Variants in PLXND1 observed in about 807,000 individuals in gnomAD.
PLXND1 encodes plexin-D1.
A neutral mutation model predicts 197.7 loss-of-function variants in PLXND1; 54 were observed. The ratio of observed to expected loss-of-function variants is 0.27; its 90% CI spans 0.22 to 0.34. The LOEUF (loss-of-function observed/expected upper bound fraction) is 0.34, where lower values mean the gene tolerates loss of function less well. Ranked by LOEUF, PLXND1 falls within the 10% of genes least tolerant of loss-of-function variation. The pLI is 1.00. For missense variants in PLXND1, 2,127 were observed against 2,699.2 expected, an observed-to-expected ratio of 0.79 and a Z score of 4.70; for synonymous variants, 1,180 against 1,161.2, an observed-to-expected ratio of 1.02 and a Z score of -0.33.
In PLXND1 at chr3:129,558,876, G is replaced by T. The variant is rs1047521704; in HGVS notation, c.5298-301C>A. ...CATTAGAACCAGGTGCCGGCCCCCG[G>T]GCACCCCTGGCTCCTCCCTGAACCC... On this transcript the variant is annotated intron_variant, in intron 32 of 35. Coordinates refer to ENST00000324093, the MANE Select transcript of PLXND1 (RefSeq NM_015103.3). This position sits in a 1 kb window ranked among gnomAD's most constrained non-coding sequence, Gnocchi z 4.1. 5.3e-5 allele frequency among the ~76,000 whole-genome samples: 8 copies of T among 152,134 alleles called. No homozygotes were observed. Among genetic ancestry groups the T allele is most frequent in the African/African-American group, 1.9e-4 (8 of 41,412 alleles).
chr3:129,584,187 G>T lies in PLXND1; in HGVS notation c.2076C>A (p.Ile692=). Residue 692 remains isoleucine (I), a synonymous_variant, in exon 7 of 36, where the codon ATC becomes ATA. Transcript: ENST00000324093. ...CGTAGATGGTGAAATTGGCCTTGAC[G>T]ATGTTCCGCCCATTGACCCTCACAG... ...EMSVRVNGRN[I]VKANFTIYDC... 6.3e-7 allele frequency: 1 copy of T among 1,585,760 alleles called. No individual in the cohort carries two copies. Among genetic ancestry groups the T allele is most frequent in the Admixed American group, 1.8e-5 (1 of 55,472 alleles).
chr3:129,596,278 G>A (rs1206087047), intron 1 of PLXND1, among the ~76,000 whole-genome samples: 2 of 152,110 alleles, frequency 1.3e-5, no homozygotes, highest in Non-Finnish European at 2.9e-5. Flanking sequence ...GGGCTACACC[G>A]CCCTCACCAA....
At chr3:129,582,505 TGCCCTACCCCAG>T (rs1237066884) in intron 8 of PLXND1, among the ~76,000 whole-genome samples, 2 of 152,210 alleles carry the variant, frequency 1.3e-5, no homozygotes, top group Non-Finnish European at 2.9e-5. Flanking sequence ...GGAAGGCTGG[TGCCCTACCCCAG>T]CCACCCACAG....
At position 129,556,074 on chromosome 3, in the gene PLXND1, GCT is replaced by G; in HGVS notation, c.*236_*237del. The G allele has an allele frequency of 2.0e-6, 1 of 510,272 alleles. No individual in the cohort carries two copies. Among genetic ancestry groups the G allele is most frequent in the Non-Finnish European group, 3.6e-6 (1 of 281,606 alleles). The allele number at this position is 510,272 out of a possible 1,614,324, so 31.6% of individuals were successfully genotyped here. A position where few individuals can be genotyped will look rare whatever the true frequency, so the allele number is the denominator to read the frequency against. ...CTGGGCAGATGGGGGAGCCTGACCA[GCT>G]CTCTGGCCTCCATCCCAGAGACTGA... On this transcript the variant is annotated 3_prime_UTR_variant, in exon 36 of 36. Coordinates refer to ENST00000324093, the MANE Select transcript of PLXND1 (RefSeq NM_015103.3).
chr3:129,572,656 G>A lies in PLXND1; in HGVS notation c.3030C>T (p.Ser1010=), dbSNP rs2285368. 83,235 of 1,601,120 alleles carry A rather than the reference G, an allele frequency of 0.052. 5,629 individuals are homozygous for A. Among genetic ancestry groups the A allele is most frequent in the African/African-American group, 0.32 (23,865 of 74,674 alleles). The change falls in exon 15 of 36, where the codon TCC becomes TCT. Residue 1010 remains serine (S), a synonymous_variant. Coordinates refer to ENST00000324093, the MANE Select transcript of PLXND1 (RefSeq NM_015103.3). The part of the protein sequence containing the change: ...TIHGNDLHVG[S]ELQVLVNDTD... ...TGTCGTTCACCAGGACCTGGAGCTCGGAGCCTACATGGAGGTCATTCCCAT... is the reference window on the plus strand; with the variant it reads ...TGTCGTTCACCAGGACCTGGAGCTCAGAGCCTACATGGAGGTCATTCCCAT...
intron 12 of PLXND1, 107 bp downstream of exon 12, chr3:129,574,229 G>T: frequency 1.0e-6 from 1 of 994,430 alleles, no homozygotes; most frequent in Non-Finnish European, 1.5e-6. Context: ...GCACCCATGT[G>T]TCGGTGTATG....
chr3:129,557,201 A>G lies in PLXND1; in HGVS notation c.5468T>C (p.Leu1823Pro). The change falls in exon 34 of 36, where the codon CTC becomes CCC. Residue 1823 changes from leucine to proline, a missense_variant. Physicochemically the swap from Leu to Pro is moderately conservative, Grantham distance 98. This residue lies in a region of PLXND1 where 200 missense variants were observed against 303.3 expected (regional missense o/e 0.66). Coordinates refer to ENST00000324093, the MANE Select transcript of PLXND1 (RefSeq NM_015103.3). The surrounding 1 kb of genome is among the most constrained non-coding windows in gnomAD (Gnocchi z 4.8). ...LGKDSPTNKL[L>P]YAKEIPEYRK... ...GTACTCAGGAATCTCCTTGGCGTAG[A>G]GGAGCTTGTTGGTTGGCGAATCCTG... The G allele has an allele frequency of 6.2e-7, 1 of 1,614,152 alleles. No individual in the cohort carries two copies. The highest frequency in any genetic ancestry group is 1.1e-5 in the South Asian group (1 of 91,090).
rs1361457394 is a variant in PLXND1, at chr3:129,559,473, A to AAGTC, written c.5297+143_5297+146dup. On this transcript the variant is annotated intron_variant, in intron 32 of 35. Transcript: ENST00000324093. ...GGGGAAACTGAAGCACAGAGAGGCT[A>AAGTC]AGTCACTCATCCGAGAACACACAGC... 9.5e-6 allele frequency: 6 copies of AAGTC among 632,388 alleles called. No individual in the cohort carries two copies. The East Asian group carries it at 1.6e-4, about 17-fold the overall frequency. The allele number at this position is 632,388 out of a possible 1,614,324, so 39.2% of individuals were successfully genotyped here. A position where few individuals can be genotyped will look rare whatever the true frequency, so the allele number is the denominator to read the frequency against.
rs1578321763 is a variant in PLXND1, at chr3:129,571,176, T to C, written c.3464A>G (p.Glu1155Gly). Residue 1155 changes from glutamate to glycine, a missense_variant, in exon 18 of 36, where the codon GAG (glutamate) becomes GGG (glycine). Around this residue, in one of 6 missense-constraint regions of PLXND1, gnomAD observed 532 missense variants for 811.0 expected, o/e 0.66. Coordinates refer to ENST00000324093, the MANE Select transcript of PLXND1 (RefSeq NM_015103.3). ...CTGTGCCTCCTCGGGGTCCAGTAGC[T>C]CCTCAGCCACAGCCACCTCGTCTGC... ...AYADEVAVAE[E>G]LLDPEEAQRG... The C allele has an allele frequency of 1.9e-6, 3 of 1,614,156 alleles. No homozygotes were observed. Among genetic ancestry groups the C allele is most frequent in the Non-Finnish European group, 2.5e-6 (3 of 1,180,010 alleles).
In PLXND1 at chr3:129,583,634, A is replaced by C; in HGVS notation, c.2174T>G (p.Phe725Cys). The C allele has an allele frequency of 6.2e-7, 1 of 1,613,650 alleles. No homozygotes were observed. The highest frequency in any genetic ancestry group is 1.7e-5 in the Admixed American group (1 of 59,990). Residue 725 changes from phenylalanine (F) to cysteine (C), a missense_variant, in exon 8 of 36, where the codon TTC becomes TGC. Transcript: ENST00000324093. The stretch of plus-strand genomic sequence containing the variant: ...ACAGGAGTGCTGCTGGCTGCACCAG[A>C]AACAGGGCCACTGTGCCGACAGGCA... ...TSCLSAQWPC[F>C]WCSQQHSCVS...
chr3:129,556,148 G>A lies in PLXND1; in HGVS notation c.*164C>T, dbSNP rs1416324433. 9.5e-6 allele frequency: 6 copies of A among 630,146 alleles called. No individual in the cohort carries two copies. Among genetic ancestry groups the A allele is most frequent in the Non-Finnish European group, 1.7e-5 (6 of 351,378 alleles). 39.0% of individuals were successfully genotyped at this position (630,146 alleles called of 1,614,324 possible). A position where few individuals can be genotyped will look rare whatever the true frequency, so the allele number is the denominator to read the frequency against. On this transcript the variant is annotated 3_prime_UTR_variant, in exon 36 of 36. Coordinates refer to ENST00000324093, the MANE Select transcript of PLXND1 (RefSeq NM_015103.3). Reference sequence around the variant, plus strand: ...ATGGAGGTGCCCAGGGGTCAAGGCGGGGGCGCCCCTGTCTCAGAGAGCAGC... The same window carrying A: ...ATGGAGGTGCCCAGGGGTCAAGGCGAGGGCGCCCCTGTCTCAGAGAGCAGC...
At chr3:129,600,360 C>T (rs570755893) in intron 1 of PLXND1, among the ~76,000 whole-genome samples, 22 of 152,260 alleles carry the variant, frequency 1.4e-4, no homozygotes, top group African/African-American at 3.6e-4. Context: ...CTGCCATTTC[C>T]TGGGCACTGC....
In PLXND1 at chr3:129,559,606, C is replaced by G; in HGVS notation, c.5297+14G>C. The stretch of plus-strand genomic sequence containing the variant: ...GTGGCACAGTGAAGTCCACACGGCC[C>G]CCCCACCCGCCACCTGTTGGTCTTC... On this transcript the variant is annotated intron_variant, in intron 32 of 35. Transcript: ENST00000324093. 1.3e-6 allele frequency: 2 copies of G among 1,585,412 alleles called. No homozygotes were observed. Among genetic ancestry groups the G allele is most frequent in the Non-Finnish European group, 1.7e-6 (2 of 1,164,610 alleles).
At chr3:129,584,094 C>A in intron 7 of PLXND1, 31 bp downstream of exon 7, 2 of 1,417,036 alleles carry the variant, frequency 1.4e-6, no homozygotes, top group Middle Eastern at 1.7e-4. Flanking sequence ...CTCCCTCCAC[C>A]AACTGGAGGC....
At position 129,565,501 on chromosome 3, in the gene PLXND1, C is replaced by T. The variant is rs756682934; in HGVS notation, c.4360G>A (p.Gly1454Ser). The change falls in exon 25 of 36, where the codon GGC (glycine) becomes AGC (serine). Residue 1454 changes from glycine (G) to serine (S), a missense_variant. Gly to Ser is a moderately conservative substitution (Grantham distance 56). Coordinates refer to ENST00000324093, the MANE Select transcript of PLXND1 (RefSeq NM_015103.3). ...ATGCTGGTGTAGTACTCCAGCTTGC[C>T]GTGCAGCGCGATGGTCAGCAGCGAG... Reference protein sequence around the residue: ...LASLLTIALHGKLEYYTSIMK... With the variant: ...LASLLTIALHSKLEYYTSIMK... The T allele has an allele frequency of 7.4e-6, 12 of 1,613,756 alleles. No individual in the cohort carries two copies. The highest frequency in any genetic ancestry group is 2.2e-5 in the South Asian group (2 of 91,078).
At chr3:129,565,270 G>A (rs546205867) in intron 25 of PLXND1, 70 bp downstream of exon 25, 25 of 1,353,112 alleles carry the variant, frequency 1.8e-5, no homozygotes, top group South Asian at 1.3e-4. Flanking sequence ...CTGGGAGGCC[G>A]TGGGGTCACT....
rs189961666 is a variant in PLXND1 at position 129,590,899 on chromosome 3, C to T, written c.1312-1372G>A. Among the ~76,000 whole-genome samples, 461 of 152,302 alleles carry T rather than the reference C, an allele frequency of 3.0e-3. 3 individuals carry two copies. Among genetic ancestry groups the T allele is most frequent in the African/African-American group, 0.01 (428 of 41,566 alleles). On this transcript the variant is annotated intron_variant, in intron 1 of 35. Transcript: ENST00000324093. ...TCAGAGCAGGACTCAGGGAGGTCACCGGAAGGCAGCATTGGAACCATCTTT... is the reference window on the plus strand; with the variant it reads ...TCAGAGCAGGACTCAGGGAGGTCACTGGAAGGCAGCATTGGAACCATCTTT...
chr3:129,572,735 T>A lies in PLXND1; in HGVS notation c.2951A>T (p.His984Leu). ...GGGGCCCATGGTAGGCTCCAGGGAGTGGACCAGGGGCAGCTGTGGGAGGAA... is the reference window on the plus strand; with the variant it reads ...GGGGCCCATGGTAGGCTCCAGGGAGAGGACCAGGGGCAGCTGTGGGAGGAA... ...DRFSYVLPLV[H>L]SLEPTMGPKA... is the part of the protein sequence containing the mutation. Residue 984 changes from histidine (H) to leucine (L), a missense_variant, in exon 15 of 36, where the codon CAC (histidine) becomes CTC (leucine). Physicochemically the swap from His to Leu is moderately conservative, Grantham distance 99 (BLOSUM62 -3). Coordinates refer to ENST00000324093, the MANE Select transcript of PLXND1 (RefSeq NM_015103.3). The A allele has an allele frequency of 6.3e-7, 1 of 1,597,394 alleles. No homozygotes were observed. The highest frequency in any genetic ancestry group is 1.1e-5 in the South Asian group (1 of 89,016).
intron 2 of PLXND1, among the ~76,000 whole-genome samples, chr3:129,587,135 C>T (rs1024201215): frequency 3.9e-5 from 6 of 152,158 alleles, no homozygotes; most frequent in Admixed American, 6.5e-5. Flanking sequence ...ATGGGGCAGG[C>T]GGGCCATGAG....
Sources: allele counts gnomAD v4.1 joint callset (sites outside exome capture counted in the v4.1 genomes callset), GRCh38; gene constraint gnomAD v4.1.1; regional missense constraint gnomAD v4.1.1; non-coding constraint Gnocchi (gnomAD v3.1); transcripts MANE v1.5; gene names NCBI Gene and HGNC (gene_info 2026-07-23, HGNC 2026-07-21).